ABLIM1: variants seen among roughly 807,000 people sequenced by gnomAD.
ABLIM1 encodes actin binding LIM protein 1, also known as actin-binding LIM protein 1.
In ABLIM1, 40 loss-of-function variants were observed where a neutral mutation model predicts 107.0. The observed-to-expected ratio is 0.37, with a 90% confidence interval of 0.29 to 0.49. ABLIM1 has a LOEUF of 0.49. Among genes scored for constraint, ABLIM1 ranks in the 20% least tolerant of loss-of-function variants. The probability of loss-of-function intolerance (pLI) is 0.97; values close to 1 mark genes in which losing one functional copy is unlikely to be tolerated. For missense variants in ABLIM1, 857 were observed against 1,008.5 expected, an observed-to-expected ratio of 0.85 and a Z score of 2.04; for synonymous variants, 357 against 357.3, an observed-to-expected ratio of 1.00 and a Z score of 0.01.
At chr10:114,505,690 C>T (rs549392172) in intron 6 of ABLIM1, among the ~76,000 whole-genome samples, 10 of 152,248 alleles carry the variant, frequency 6.6e-5, no homozygotes, top group African/African-American at 2.4e-4. Context: ...ATGGCTGATC[C>T]CAATTCAGTG....
intron 8 of ABLIM1, among the ~76,000 whole-genome samples, chr10:114,479,286 TA>T (rs1413382094): frequency 6.6e-6 from 1 of 152,244 alleles, no homozygotes; most frequent in Non-Finnish European, 1.5e-5. Flanking sequence ...TAATCTCAAA[TA>T]ATGCCTCTGT....
At chr10:114,787,706 G>GTGGGGGC in the ABLIM1 span, among the ~76,000 whole-genome samples, 2 of 42,652 alleles carry the variant, frequency 4.7e-5, no homozygotes, top group Non-Finnish European at 6.6e-5. Flanking sequence ...GGAGGGAGGT[G>GTGGGGGC]GGGGGGTCAG....
At chr10:114,652,439 C>A (rs747797684) in intron 1 of ABLIM1, among the ~76,000 whole-genome samples, 5 of 152,198 alleles carry the variant, frequency 3.3e-5, no homozygotes, top group African/African-American at 4.8e-5. Context: ...CTCTCACTTA[C>A]GTGATACCCT....
At chr10:114,660,844 GA>G (rs2079762176), upstream of ABLIM1, among the ~76,000 whole-genome samples, 1 of 152,202 alleles carries the variant, frequency 6.6e-6, no homozygotes, top group East Asian at 1.9e-4. Context: ...ACTTTGGACA[GA>G]AAAGAGACTA....
rs1191259761 is a variant in ABLIM1 at position 114,619,440 on chromosome 10, A to G, written c.245-17479T>C. On this transcript the variant is annotated intron_variant, in intron 1 of 22. Transcript: ENST00000533213. The surrounding 1 kb of genome is among the most constrained non-coding windows in gnomAD (Gnocchi z 4.1). The stretch of plus-strand genomic sequence containing the variant: ...TCGAACTCCTGACCTCAAACAATTC[A>G]CCTGCCTTGGCCTCCCAAAGTGCTA... Among the ~76,000 whole-genome samples the G allele has an allele frequency of 1.5e-4, 23 of 151,744 alleles. No homozygotes were observed. Among genetic ancestry groups the G allele is most frequent in the Non-Finnish European group, 5.9e-5 (4 of 67,936 alleles).
At chr10:114,506,667 G>A (rs2061196074) in intron 6 of ABLIM1, among the ~76,000 whole-genome samples, 1 of 152,118 alleles carries the variant, frequency 6.6e-6, no homozygotes, top group Non-Finnish European at 1.5e-5. Flanking sequence ...CTTTTGAGAA[G>A]TATCTGCCCA....
intron 15 of ABLIM1, among the ~76,000 whole-genome samples, chr10:114,445,930 C>A (rs941161042): frequency 6.6e-6 from 1 of 152,132 alleles, no homozygotes; most frequent in East Asian, 1.9e-4. Context: ...CCACCATACC[C>A]TACTGATTTT....
intron 6 of ABLIM1, among the ~76,000 whole-genome samples, chr10:114,520,639 C>T (rs779857090): frequency 4.0e-5 from 6 of 151,552 alleles, no homozygotes; most frequent in Non-Finnish European, 8.8e-5. Flanking sequence ...CAATCAATGA[C>T]GTCCTATCGG....
intron 1 of ABLIM1, chr10:114,631,775 A>T: frequency 2.0e-6 from 2 of 993,398 alleles, no homozygotes; most frequent in South Asian, 3.2e-5. Flanking sequence ...ACTTCACAAT[A>T]CGGAGCTTCT....
At chr10:114,763,270 TAGG>T (rs1477774773) in intron 1 of ABLIM1, among the ~76,000 whole-genome samples, 1 of 152,130 alleles carries the variant, frequency 6.6e-6, no homozygotes, top group Non-Finnish European at 1.5e-5. Context: ...AGGGAGAAAA[TAGG>T]AGATTTTCAT....
chr10:114,798,558 C>CCCG, the ABLIM1 span, among the ~76,000 whole-genome samples: 4 of 135,576 alleles, frequency 3.0e-5, no homozygotes, highest in South Asian at 4.8e-4. Flanking sequence ...ATGATGAGAC[C>CCCG]CCCCCCCCAT....
At chr10:114,612,422 G>A (rs2076869556) in intron 1 of ABLIM1, among the ~76,000 whole-genome samples, 1 of 152,144 alleles carries the variant, frequency 6.6e-6, no homozygotes, top group Non-Finnish European at 1.5e-5. Flanking sequence ...AATAAATTCT[G>A]TTTCTTTATA....
intron 1 of ABLIM1, among the ~76,000 whole-genome samples, chr10:114,636,186 AC>A (rs1301666994): frequency 3.3e-5 from 5 of 152,292 alleles, no homozygotes; most frequent in African/African-American, 1.2e-4. Flanking sequence ...GTACGTAATG[AC>A]GGGTCAAGTG....
chr10:114,793,525 G>A, the ABLIM1 span, among the ~76,000 whole-genome samples: 1 of 152,152 alleles, frequency 6.6e-6, no homozygotes, highest in Non-Finnish European at 1.5e-5. Flanking sequence ...ATTTATAAAA[G>A]CAGTGCAGCT....
intron 1 of ABLIM1, among the ~76,000 whole-genome samples, chr10:114,753,270 C>A (rs2142459819): frequency 6.6e-6 from 1 of 152,298 alleles, no homozygotes; most frequent in East Asian, 1.9e-4. Flanking sequence ...GAGCATAGGG[C>A]AAGACAGCCA....
intron 6 of ABLIM1, among the ~76,000 whole-genome samples, chr10:114,513,892 C>T (rs1372609297): frequency 2.6e-5 from 4 of 152,136 alleles, no homozygotes; most frequent in Non-Finnish European, 1.5e-5. Flanking sequence ...GGTCATACTG[C>T]AAATTTCCAA....
chr10:114,639,960 T>A (rs186669982), intron 1 of ABLIM1, among the ~76,000 whole-genome samples: 1 of 152,164 alleles, frequency 6.6e-6, no homozygotes, highest in Admixed American at 6.5e-5. Context: ...CATAACTGAG[T>A]CACATTCCAC....
intron 1 of ABLIM1, among the ~76,000 whole-genome samples, chr10:114,741,951 G>A (rs1018507167): frequency 6.6e-6 from 1 of 152,216 alleles, no homozygotes; most frequent in African/African-American, 2.4e-5. Flanking sequence ...GCATCCTGTA[G>A]AAGTTTCTAG....
upstream of ABLIM1, among the ~76,000 whole-genome samples, chr10:114,772,067 C>G (rs1438587328): frequency 1.3e-5 from 2 of 152,092 alleles, no homozygotes; most frequent in Non-Finnish European, 2.9e-5. Context: ...TGCATAACTT[C>G]AAGCTTAAAG....
Sources: allele counts gnomAD v4.1 joint callset (sites outside exome capture counted in the v4.1 genomes callset), GRCh38; gene constraint gnomAD v4.1.1; non-coding constraint Gnocchi (gnomAD v3.1); transcripts MANE v1.5; gene names NCBI Gene and HGNC (gene_info 2026-07-23, HGNC 2026-07-21).